EIF4B: variants seen among roughly 807,000 people sequenced by gnomAD.
The protein encoded by EIF4B is eukaryotic translation initiation factor 4B.
EIF4B carries 8 observed loss-of-function variants against 79.3 expected under a neutral mutation model. The observed-to-expected ratio is 0.10, with a 90% CI of 0.06 to 0.18. The LOEUF (loss-of-function observed/expected upper bound fraction) is 0.18. Ranked by LOEUF, EIF4B falls within the 10% of genes least tolerant of loss-of-function variation. The pLI is 1.00. For missense variants in EIF4B, 515 were observed against 792.4 expected, an observed-to-expected ratio of 0.65 and a Z score of 4.20; for synonymous variants, 238 against 274.7, an observed-to-expected ratio of 0.87 and a Z score of 1.32.
intron 6 of EIF4B, among the ~76,000 whole-genome samples, chr12:53,027,137 A>ATTATTATTATTATTTTTTTTTTTTTTT (rs1943349413): frequency 7.8e-5 from 2 of 25,720 alleles, no homozygotes; most frequent in African/African-American, 1.6e-4. Flanking sequence ...AAAAAAAAAA[A>ATTATTATTATTATTTTTTTTTTTTTTT]TTTTTTTTTT....
chr12:53,034,956 CTTTTTTTTTTT>C (rs72498436), intron 10 of EIF4B, among the ~76,000 whole-genome samples: 1 of 90,156 alleles, frequency 1.1e-5, no homozygotes. Flanking sequence ...TTGTCTCTCT[CTTTTTTTTTTT>C]TTTTTTTTTT....
At chr12:53,010,708 G>A (rs1017228375) in intron 1 of EIF4B, among the ~76,000 whole-genome samples, 6 of 151,972 alleles carry the variant, frequency 3.9e-5, no homozygotes, top group African/African-American at 9.7e-5. Flanking sequence ...GTGCAGTGGC[G>A]TGGTCTCAGC....
chr12:53,033,238 C>T (rs1435544218), intron 8 of EIF4B, among the ~76,000 whole-genome samples: 1 of 151,730 alleles, frequency 6.6e-6, no homozygotes, highest in Non-Finnish European at 1.5e-5. Context: ...GTGTTGGTCT[C>T]GAACTCCCGA....
chr12:53,041,306 T>TG lies in EIF4B; in HGVS notation c.*1085dup, dbSNP rs1402931607. The TG allele has an allele frequency of 6.6e-6, 1 of 152,194 alleles. No individual in the cohort carries two copies. The highest frequency in any genetic ancestry group is 1.5e-5 in the Non-Finnish European group (1 of 68,044). 9.4% of individuals were successfully genotyped at this position (152,194 alleles called of 1,614,324 possible). A position where few individuals can be genotyped will look rare whatever the true frequency, so the allele number is the denominator to read the frequency against. On this transcript the variant is annotated 3_prime_UTR_variant, in exon 15 of 15. Coordinates refer to ENST00000262056, the MANE Select transcript of EIF4B (RefSeq NM_001417.7). ...GTTCTCCTTGCCTGCTCCTGATGCT[T>TG]GGACCCCTTTTATTGATCAGAGTGC...
chr12:53,025,106 G>GGATA, intron 6 of EIF4B: 1 of 408,104 alleles, frequency 2.5e-6, no homozygotes, highest in East Asian at 7.2e-5. Context: ...TCTGAAAGAA[G>GGATA]GATAAATCAG....
At position 53,033,076 on chromosome 12, in the gene EIF4B, G is replaced by C. The variant is rs1382635195; in HGVS notation, c.980-730G>C. Among the ~76,000 whole-genome samples, 3 of 151,984 alleles carry C rather than the reference G, an allele frequency of 2.0e-5. No homozygotes were observed. In the East Asian group the frequency reaches 5.8e-4, roughly 29 times the overall value. ...TTCCAGCCTGGAGGGCTGGAGTGCAGTGGTGCGATCCTGGCTCACCACAAC... is the reference window on the plus strand; with the variant it reads ...TTCCAGCCTGGAGGGCTGGAGTGCACTGGTGCGATCCTGGCTCACCACAAC... On this transcript the variant is annotated intron_variant, in intron 8 of 14. Coordinates refer to ENST00000262056, the MANE Select transcript of EIF4B (RefSeq NM_001417.7).
Position 53,028,131 on chromosome 12 carries a change from C to G in EIF4B, c.922C>G (p.Arg308Gly). ...AGACCGATATGACAGACGGGATGATCGGTCGTGGAGCTCCAGAGATGATTA... is the reference window on the plus strand; with the variant it reads ...AGACCGATATGACAGACGGGATGATGGGTCGTGGAGCTCCAGAGATGATTA... ...YEDRYDRRDD[R>G]SWSSRDDYSR... Residue 308 changes from arginine to glycine, a missense_variant, in exon 8 of 15, where the codon CGG (arginine) becomes GGG (glycine). Coordinates refer to ENST00000262056, the MANE Select transcript of EIF4B (RefSeq NM_001417.7). The G allele has an allele frequency of 6.2e-7, 1 of 1,613,854 alleles. No individual in the cohort carries two copies. The highest frequency in any genetic ancestry group is 8.5e-7 in the Non-Finnish European group (1 of 1,179,908).
At chr12:53,017,226 G>A (rs926602254) in intron 2 of EIF4B, among the ~76,000 whole-genome samples, 3 of 147,328 alleles carry the variant, frequency 2.0e-5, no homozygotes, top group Non-Finnish European at 3.0e-5. Context: ...GCACTCCAGC[G>A]TGGGAGACAG....
intron 14 of EIF4B, 90 bp from the exon 15 acceptor site, chr12:53,040,053 C>A: frequency 7.0e-7 from 1 of 1,431,536 alleles, no homozygotes; most frequent in Non-Finnish European, 9.8e-7. Flanking sequence ...ACTGTCATCC[C>A]CCATTGCCAA....
intron 12 of EIF4B, 85 bp from the exon 13 acceptor site, chr12:53,039,153 T>A: frequency 9.6e-7 from 1 of 1,040,294 alleles, no homozygotes; most frequent in Admixed American, 2.3e-5. Context: ...GTGGGCACAA[T>A]TTTCTTCAGC....
chr12:53,034,236 C>T (rs761235592), intron 9 of EIF4B, among the ~76,000 whole-genome samples: 2 of 152,152 alleles, frequency 1.3e-5, no homozygotes, highest in Admixed American at 6.6e-5. Flanking sequence ...TGTTCCCTGT[C>T]CATTACAAAA....
rs765226905 is a variant in EIF4B at position 53,041,081 on chromosome 12, T to A, written c.*858T>A. On this transcript the variant is annotated 3_prime_UTR_variant, in exon 15 of 15. Coordinates refer to ENST00000262056, the MANE Select transcript of EIF4B (RefSeq NM_001417.7). The stretch of plus-strand genomic sequence containing the variant: ...CTGTCCTTTTTGAAAGTTTTGAATA[T>A]ATCCACATTCTATTGAAACCTTGAA... 1 of 152,210 alleles carries A rather than the reference T, an allele frequency of 6.6e-6. No homozygotes were observed. Among genetic ancestry groups the A allele is most frequent in the Non-Finnish European group, 1.5e-5 (1 of 68,042 alleles). The allele number at this position is 152,210 out of a possible 1,614,324, so 9.4% of individuals were successfully genotyped here. A position where few individuals can be genotyped will look rare whatever the true frequency, so the allele number is the denominator to read the frequency against.
intron 6 of EIF4B, among the ~76,000 whole-genome samples, chr12:53,026,049 G>A (rs796363906): frequency 7.9e-5 from 12 of 152,026 alleles, no homozygotes; most frequent in African/African-American, 2.7e-4. Flanking sequence ...CAGTGAGCCC[G>A]CGATTGTGCC....
rs1470313778 is a variant in EIF4B, at chr12:53,037,555, G to A, written c.1453G>A (p.Val485Met). ...CCCTCCACCAAAGGAGAATGCTTGG[G>A]TGAAGCGAAGTTCTAACCCTCCTGC... ...PAPPPKENAW[V>M]KRSSNPPARS... Residue 485 changes from valine to methionine, a missense_variant, in exon 11 of 15, where the codon GTG (valine) becomes ATG (methionine). This residue lies in a region of EIF4B where 146 missense variants were observed against 228.0 expected (regional missense o/e 0.64). Coordinates refer to ENST00000262056, the MANE Select transcript of EIF4B (RefSeq NM_001417.7). The A allele has an allele frequency of 6.2e-7, 1 of 1,613,988 alleles. No homozygotes were observed. The highest frequency in any genetic ancestry group is 1.1e-5 in the South Asian group (1 of 91,074).
chr12:53,032,821 G>A (rs1943470681), intron 8 of EIF4B, among the ~76,000 whole-genome samples: 2 of 151,402 alleles, frequency 1.3e-5, no homozygotes, highest in African/African-American at 4.9e-5. Context: ...ACAGGCATGT[G>A]CCACCACTCC....
rs749729782 is a variant in EIF4B at position 53,040,217 on chromosome 12, C to T, written c.1830C>T (p.Ala610=). 5.0e-6 allele frequency: 8 copies of T among 1,612,936 alleles called. No homozygotes were observed. The highest frequency in any genetic ancestry group is 2.7e-5 in the African/African-American group (2 of 74,902). Reference sequence around the variant, plus strand: ...ATGAAAATGAGGGAGAAGATTATGCCGAATAGACCTCTACATCCTGTGCTT... The same window carrying T: ...ATGAAAATGAGGGAGAAGATTATGCTGAATAGACCTCTACATCCTGTGCTT... ...GEDENEGEDY[A]E is the part of the protein sequence containing the mutation. Residue 610 remains alanine (A), a synonymous_variant, in exon 15 of 15, where the codon GCC becomes GCT. Coordinates refer to ENST00000262056, the MANE Select transcript of EIF4B (RefSeq NM_001417.7).
At chr12:53,008,908 GCTTGTAATCCCAGCTA>G (rs1943015070) in intron 1 of EIF4B, among the ~76,000 whole-genome samples, 2 of 152,044 alleles carry the variant, frequency 1.3e-5, no homozygotes, top group Admixed American at 6.6e-5. Context: ...GGTGTCGCGT[GCTTGTAATCCCAGCTA>G]CTCCGGAGGC....
chr12:53,035,386 T>G, intron 10 of EIF4B, among the ~76,000 whole-genome samples: 1 of 151,698 alleles, frequency 6.6e-6, no homozygotes, highest in African/African-American at 2.4e-5. Context: ...CTTTTTTTTT[T>G]GAGACCGAGT....
At position 53,037,396 on chromosome 12, in the gene EIF4B, T is replaced by C. The variant is rs1943557192; in HGVS notation, c.1307-13T>C. On this transcript the variant is annotated splice_polypyrimidine_tract_variant and intron_variant, in intron 10 of 14. Transcript: ENST00000262056. ...CAGCCTGATAATTTGATATTTTCACTCTGGCTTCACAGATGCACGAAGGAG... is the reference window on the plus strand; with the variant it reads ...CAGCCTGATAATTTGATATTTTCACCCTGGCTTCACAGATGCACGAAGGAG... 6.2e-7 allele frequency: 1 copy of C among 1,608,594 alleles called. No individual in the cohort carries two copies. The highest frequency in any genetic ancestry group is 2.2e-4 in the Middle Eastern group (1 of 4,564).
Sources: allele counts gnomAD v4.1 joint callset (sites outside exome capture counted in the v4.1 genomes callset), GRCh38; gene constraint gnomAD v4.1.1; regional missense constraint gnomAD v4.1.1; transcripts MANE v1.5; gene names NCBI Gene and HGNC (gene_info 2026-07-23, HGNC 2026-07-21).